TEX9: variants seen among roughly 807,000 people sequenced by gnomAD.
The protein encoded by TEX9 is testis expressed 9.
A neutral mutation model predicts 59.6 loss-of-function variants in TEX9; 74 were observed. That is an observed-to-expected ratio of 1.24 (90% CI 1.03 to 1.51). TEX9 has a LOEUF of 1.51. Ranked by LOEUF, TEX9 falls within the 40% of genes most tolerant of loss-of-function variation. TEX9 has a pLI of 0.00. For synonymous variants in TEX9, 186 were observed against 152.2 expected (o/e 1.22, Z -1.64); for missense variants, 522 against 447.8 (o/e 1.17, Z -1.49).
At chr15:56,332,483 G>A (rs185385270) in intron 1 of TEX9, among the ~76,000 whole-genome samples, 2 of 135,804 alleles carry the variant, frequency 1.5e-5, no homozygotes, top group Non-Finnish European at 3.1e-5. Context: ...GTGGGGGGAG[G>A]GGGGAGGGAT....
chr15:56,346,550 G>C (rs2046473588), intron 1 of TEX9, among the ~76,000 whole-genome samples: 1 of 152,116 alleles, frequency 6.6e-6, no homozygotes, highest in Non-Finnish European at 1.5e-5. Context: ...CCAAAGTCTT[G>C]AGTCTTCTAA....
intron 1 of TEX9, among the ~76,000 whole-genome samples, chr15:56,339,396 A>AAAAACAAAC (rs1196637828): frequency 8.3e-5 from 10 of 120,472 alleles, no homozygotes; most frequent in Admixed American, 4.2e-4. Context: ...AAAAAAAAAA[A>AAAAACAAAC]AAAAAAAAAA....
downstream of TEX9, chr15:56,446,740 C>T: frequency 2.7e-6 from 2 of 753,502 alleles, no homozygotes; most frequent in Non-Finnish European, 4.2e-6. Context: ...AGAAATCTAG[C>T]AGTGTAAATT....
At chr15:56,338,210 T>C (rs1596101114) in intron 1 of TEX9, among the ~76,000 whole-genome samples, 1 of 152,242 alleles carries the variant, frequency 6.6e-6, no homozygotes, top group African/African-American at 2.4e-5. Flanking sequence ...CTGAAGTTGC[T>C]GGTACAGGAA....
intron 1 of TEX9, among the ~76,000 whole-genome samples, chr15:56,320,118 C>A (rs570468438): frequency 2.6e-5 from 4 of 152,140 alleles, no homozygotes; most frequent in African/African-American, 9.7e-5. Context: ...TTTATTGCAA[C>A]ATCTTTTAAA....
At chr15:56,433,409 C>G (rs1217847054) in intron 12 of TEX9, among the ~76,000 whole-genome samples, 7 of 15,404 alleles carry the variant, frequency 4.5e-4, no homozygotes, top group Admixed American at 8.5e-4. Flanking sequence ...CACATGCATC[C>G]TGGAACTTAA....
At chr15:56,388,498 T>C in exon 5 of TEX9, 1 of 1,611,546 alleles carries the variant, frequency 6.2e-7, no homozygotes, top group Non-Finnish European at 8.5e-7. Context: ...GAAGGGATAG[T>C]TCATCTTCAT....
chr15:56,429,945 G>C (rs1235428988), intron 12 of TEX9: 1 of 152,074 alleles, frequency 6.6e-6, no homozygotes, highest in Non-Finnish European at 1.5e-5. Context: ...TTTAGTTTAT[G>C]AAATGTATTA....
At chr15:56,252,379 C>CTTTTTTTTTTTTTTT (rs3050136) in intron 1 of TEX9, among the ~76,000 whole-genome samples, 2 of 119,700 alleles carry the variant, frequency 1.7e-5, no homozygotes, top group African/African-American at 3.2e-5. Context: ...TTAGAAAAAC[C>CTTTTTTTTTTTTTTT]TTTTTTTTTT....
intron 1 of TEX9, among the ~76,000 whole-genome samples, chr15:56,357,715 A>C (rs724100): frequency 0.3 from 45,836 of 151,978 alleles, 7,783 homozygotes; most frequent in Middle Eastern, 0.47. Context: ...CATTTCAACA[A>C]ATATGTGTTT....
chr15:56,324,838 T>C (rs866390458), intron 1 of TEX9, among the ~76,000 whole-genome samples: 1 of 152,206 alleles, frequency 6.6e-6, no homozygotes, highest in Non-Finnish European at 1.5e-5. Flanking sequence ...AGTGGGGCTT[T>C]AGCAAGCTTA....
intron 2 of TEX9, among the ~76,000 whole-genome samples, chr15:56,368,711 T>C (rs74015414): frequency 0.018 from 2,685 of 152,258 alleles, 92 homozygotes; most frequent in African/African-American, 0.062. Flanking sequence ...GAGTCTATGG[T>C]GGTATGTTTG....
chr15:56,376,937 A>G lies in TEX9; in HGVS notation c.183+3433A>G, dbSNP rs181281354. On this transcript the variant is annotated intron_variant, in intron 3 of 12. Transcript: ENST00000352903. Reference sequence around the variant, plus strand: ...TTTGATTTGATACTTGTATATGGCAAGAGGTAGGGGTCTAGTCTTCTTCTT... The same window carrying G: ...TTTGATTTGATACTTGTATATGGCAGGAGGTAGGGGTCTAGTCTTCTTCTT... Among the ~76,000 whole-genome samples, 544 of 152,306 alleles carry G rather than the reference A, an allele frequency of 3.6e-3. 2 individuals carry two copies. The highest frequency in any genetic ancestry group is 5.0e-3 in the Non-Finnish European group (343 of 68,012).
At chr15:56,262,065 C>T (rs1369449594) in intron 1 of TEX9, among the ~76,000 whole-genome samples, 3 of 152,142 alleles carry the variant, frequency 2.0e-5, no homozygotes, top group African/African-American at 7.2e-5. Context: ...TGTGGCTGGC[C>T]ACTGTGAACT....
intron 1 of TEX9, among the ~76,000 whole-genome samples, chr15:56,265,256 C>G (rs2044354259): frequency 1.3e-5 from 2 of 151,328 alleles, no homozygotes; most frequent in South Asian, 2.1e-4. Flanking sequence ...ACCTTGAACT[C>G]CTGGATGGGA....
intron 1 of TEX9, among the ~76,000 whole-genome samples, chr15:56,338,077 G>A (rs1252361107): frequency 6.6e-6 from 1 of 152,010 alleles, no homozygotes; most frequent in Non-Finnish European, 1.5e-5. Context: ...TAGTCCTTTG[G>A]CACAAGGAAT....
intron 12 of TEX9, among the ~76,000 whole-genome samples, chr15:56,440,688 T>C (rs1490497579): frequency 3.3e-5 from 5 of 152,310 alleles, no homozygotes; most frequent in Admixed American, 2.6e-4. Flanking sequence ...CAGGAAATTA[T>C]GCTGAATAAA....
At chr15:56,441,400 T>C (rs2140351314) in intron 12 of TEX9, among the ~76,000 whole-genome samples, 1 of 152,314 alleles carries the variant, frequency 6.6e-6, no homozygotes, top group Admixed American at 6.5e-5. Context: ...GTCAAGTTTA[T>C]TGATATTGCT....
Position 56,365,484 on chromosome 15 carries a change from T to A in TEX9, c.27+7T>A. The A allele has an allele frequency of 6.2e-7, 1 of 1,614,146 alleles. No individual in the cohort carries two copies. Among genetic ancestry groups the A allele is most frequent in the Non-Finnish European group, 8.5e-7 (1 of 1,180,000 alleles). Reference sequence around the variant, plus strand: ...GCGAAGTCTGTGTCTCACGGTCAGTTCAACTCCAGGCTCCTGGGGAGCGTC... The same window carrying A: ...GCGAAGTCTGTGTCTCACGGTCAGTACAACTCCAGGCTCCTGGGGAGCGTC... On this transcript the variant is annotated splice_region_variant and intron_variant, in intron 1 of 12. Transcript: ENST00000352903.
Sources: gnomAD v4.1 joint callset for allele counts (sites outside exome capture counted in the v4.1 genomes callset) on GRCh38, gnomAD v4.1.1 for gene constraint, MANE v1.5 for transcripts, NCBI Gene and HGNC (gene_info 2026-07-23, HGNC 2026-07-21) for gene names.